The following PDCL3 variants were observed in gnomAD, a reference collection of about 807,000 sequenced individuals.
The protein encoded by PDCL3 is phosducin-like protein 3.
PDCL3 carries 22 observed loss-of-function variants against 26.5 expected under a neutral mutation model. The ratio of observed to expected loss-of-function variants is 0.83; its 90% CI spans 0.59 to 1.19. The LOEUF (loss-of-function observed/expected upper bound fraction) is 1.19. Ranked by LOEUF, PDCL3 falls within the 50% of genes most tolerant of loss-of-function variation. The pLI, the probability that PDCL3 is intolerant of heterozygous loss-of-function variation, is 0.00. For missense variants in PDCL3, 246 were observed against 294.1 expected, an observed-to-expected ratio of 0.84 and a Z score of 1.20; for synonymous variants, 81 against 104.9, an observed-to-expected ratio of 0.77 and a Z score of 1.39.
chr2:100,569,706 A>G lies in PDCL3; in HGVS notation c.353A>G (p.His118Arg). 3 of 1,612,440 alleles carry G rather than the reference A, an allele frequency of 1.9e-6. No individual in the cohort carries two copies. Among genetic ancestry groups the G allele is most frequent in the Non-Finnish European group, 2.5e-6 (3 of 1,179,424 alleles). Residue 118 changes from histidine (H) to arginine (R), a missense_variant, in exon 4 of 6, where the codon CAC (histidine) becomes CGC (arginine). Physicochemically the swap from His to Arg is conservative, Grantham distance 29. Coordinates refer to ENST00000264254, the MANE Select transcript of PDCL3 (RefSeq NM_024065.5). ...GGCGAGGGCTTGTGGGTCATCTTGC[A>G]CCTTTACAAACAAGGGTGAGCTGAT... ...KAGEGLWVIL[H>R]LYKQGIPLCA...
At chr2:100,573,983 A>ATG (rs1675230208) in intron 5 of PDCL3, among the ~76,000 whole-genome samples, 1 of 152,036 alleles carries the variant, frequency 6.6e-6, no homozygotes, top group Admixed American at 6.6e-5. Flanking sequence ...ATATAAAGAT[A>ATG]TATATATAGA....
intron 2 of PDCL3, among the ~76,000 whole-genome samples, chr2:100,568,303 A>G (rs1397700731): frequency 7.9e-5 from 10 of 126,194 alleles, no homozygotes; most frequent in Admixed American, 4.6e-4. Flanking sequence ...TGGATAAAGA[A>G]GAAAAGTAGT....
rs1675070962 is a variant in PDCL3 at position 100,566,875 on chromosome 2, T to C, written c.133+246T>C. Among the ~76,000 whole-genome samples, 4 of 152,354 alleles carry C rather than the reference T, an allele frequency of 2.6e-5. No homozygotes were observed. The South Asian group carries it at 8.3e-4, about 32-fold the overall frequency. The stretch of plus-strand genomic sequence containing the variant: ...ACTGAAGAAAATACTTCTTTCTGCT[T>C]TCTGGTCTGTGATTCCCTTTGATAA... On this transcript the variant is annotated intron_variant, in intron 2 of 5. Coordinates refer to ENST00000264254, the MANE Select transcript of PDCL3 (RefSeq NM_024065.5).
intron 4 of PDCL3, among the ~76,000 whole-genome samples, chr2:100,570,125 G>A (rs967969477): frequency 6.6e-6 from 1 of 151,922 alleles, no homozygotes; most frequent in African/African-American, 2.4e-5. Context: ...AAATTTTTCT[G>A]GTACTGAGTT....
In PDCL3 at chr2:100,569,557, TTCTC is replaced by T. The variant is rs757804235; in HGVS notation, c.225-18_225-15del. Reference sequence around the variant, plus strand: ...TACACGTGTTTGTGACGTAAGATGTTTCTCTCCTTGTTTTGTGCAGACGGCGGAG... The same window carrying T: ...TACACGTGTTTGTGACGTAAGATGTTTCCTTGTTTTGTGCAGACGGCGGAG... On this transcript the variant is annotated splice_polypyrimidine_tract_variant and intron_variant, in intron 3 of 5. Transcript: ENST00000264254. 1 of 1,610,448 alleles carries T rather than the reference TTCTC, an allele frequency of 6.2e-7. No homozygotes were observed. The highest frequency in any genetic ancestry group is 8.5e-7 in the Non-Finnish European group (1 of 1,178,692).
intron 5 of PDCL3, among the ~76,000 whole-genome samples, chr2:100,572,495 A>T (rs1675197574): frequency 6.6e-6 from 1 of 151,334 alleles, no homozygotes; most frequent in African/African-American, 2.4e-5. Flanking sequence ...TACAGACGTG[A>T]GCCACTGCGC....
In PDCL3 at chr2:100,563,001, A is replaced by T; in HGVS notation, c.-67A>T. The T allele has an allele frequency of 1.9e-6, 3 of 1,568,844 alleles. No homozygotes were observed. Among genetic ancestry groups the T allele is most frequent in the Non-Finnish European group, 2.6e-6 (3 of 1,157,624 alleles). ...AGGCGTGGCGGCGCTGTGCGCGTGC[A>T]CAAAAGAGAGCTGAGGGGCGGGGGC... On this transcript the variant is annotated 5_prime_UTR_variant, in exon 1 of 6. Transcript: ENST00000264254.
chr2:100,566,561 C>T lies in PDCL3; in HGVS notation c.65C>T (p.Pro22Leu), dbSNP rs148565630. 14 of 1,613,878 alleles carry T rather than the reference C, an allele frequency of 8.7e-6. No individual in the cohort carries two copies. Among genetic ancestry groups the T allele is most frequent in the Non-Finnish European group, 1.1e-5 (13 of 1,179,928 alleles). Residue 22 changes from proline (P) to leucine (L), a missense_variant, in exon 2 of 6, where the codon CCC becomes CTC. Physicochemically the swap from Pro to Leu is moderately conservative, Grantham distance 98. Coordinates refer to ENST00000264254, the MANE Select transcript of PDCL3 (RefSeq NM_024065.5). ...TTACGCAAAAAGGGTATCTTACCCCCCAAGGAAAGTCTGAAAGAATTGGAA... is the reference window on the plus strand; with the variant it reads ...TTACGCAAAAAGGGTATCTTACCCCTCAAGGAAAGTCTGAAAGAATTGGAA... The part of the protein sequence containing the change: ...DILRKKGILP[P>L]KESLKELEEE...
chr2:100,573,175 G>A (rs557488780), intron 5 of PDCL3, among the ~76,000 whole-genome samples: 12 of 152,064 alleles, frequency 7.9e-5, no homozygotes, highest in East Asian at 7.8e-4. Flanking sequence ...GAGCCACCGC[G>A]CCCGGCTGTG....
At chr2:100,564,816 T>A (rs1405814369) in intron 1 of PDCL3, among the ~76,000 whole-genome samples, 1 of 152,198 alleles carries the variant, frequency 6.6e-6, no homozygotes, top group African/African-American at 2.4e-5. Flanking sequence ...TGATCCTTTG[T>A]GATTTTGATG....
chr2:100,576,191 C>T (rs1479165209), intron 5 of PDCL3, among the ~76,000 whole-genome samples, 163 bp from the exon 6 acceptor site: 2 of 152,198 alleles, frequency 1.3e-5, no homozygotes, highest in African/African-American at 2.4e-5. Flanking sequence ...ATCCTCCTGC[C>T]TCAGCCTCCC....
rs1201255412 is a variant in PDCL3 at position 100,563,914 on chromosome 2, TG to T, written c.6+842del. Among the ~76,000 whole-genome samples, 7 of 103,416 alleles carry T rather than the reference TG, an allele frequency of 6.8e-5. No individual in the cohort carries two copies. In the South Asian group the frequency reaches 1.4e-3, roughly 21 times the overall value. The allele number at this position is 103,416 out of a possible 152,430, so 67.8% of individuals were successfully genotyped here. Reference sequence around the variant, plus strand: ...GGCGTGTCTGCCAGGAGCCAGACACTGTTTTTTTTTTTTTTGAGACCGGGTC... The same window carrying T: ...GGCGTGTCTGCCAGGAGCCAGACACTTTTTTTTTTTTTTTGAGACCGGGTC... On this transcript the variant is annotated intron_variant, in intron 1 of 5. Transcript: ENST00000264254.
intron 5 of PDCL3, among the ~76,000 whole-genome samples, chr2:100,574,307 C>T (rs2104397843): frequency 6.6e-6 from 1 of 151,246 alleles, no homozygotes; most frequent in East Asian, 1.9e-4. Flanking sequence ...CCACATCTGG[C>T]TGGATATAAA....
intron 5 of PDCL3, among the ~76,000 whole-genome samples, chr2:100,572,720 A>G (rs919092280): frequency 2.8e-5 from 4 of 141,912 alleles, no homozygotes; most frequent in Non-Finnish European, 6.1e-5. Flanking sequence ...GGGTTTCTCC[A>G]TGTGGTCAGG....
intron 5 of PDCL3, among the ~76,000 whole-genome samples, chr2:100,573,691 T>G (rs1156953784): frequency 6.7e-6 from 1 of 148,986 alleles, no homozygotes; most frequent in Non-Finnish European, 1.5e-5. Context: ...AAAAAAAAGA[T>G]ATTCAGCTGG....
intron 2 of PDCL3, among the ~76,000 whole-genome samples, chr2:100,567,501 C>G (rs1675079990): frequency 6.6e-6 from 1 of 152,102 alleles, no homozygotes; most frequent in African/African-American, 2.4e-5. Flanking sequence ...ACTGAGATGA[C>G]ATTTGCATGG....
intron 2 of PDCL3, among the ~76,000 whole-genome samples, chr2:100,568,191 C>T (rs1478667208): frequency 6.6e-6 from 1 of 152,272 alleles, no homozygotes; most frequent in South Asian, 2.1e-4. Context: ...TTTTTCTCTA[C>T]ATTAGAGAAG....
intron 1 of PDCL3, among the ~76,000 whole-genome samples, chr2:100,563,887 A>G (rs1573276450): frequency 6.9e-6 from 1 of 145,832 alleles, no homozygotes; most frequent in African/African-American, 2.6e-5. Flanking sequence ...GCTGGAGGGG[A>G]GGGCGTGTCT....
rs144440863 is a variant in PDCL3, at chr2:100,576,362, T to C, written c.586T>C (p.Trp196Arg). Residue 196 changes from tryptophan to arginine, a missense_variant, in exon 6 of 6, where the codon TGG (tryptophan) becomes CGG (arginine). By Grantham distance (101) the Trp-to-Arg change is moderately radical. Transcript: ENST00000264254. ...GMNLTRDELE[W>R]KLSESGAIMT... ...TTTTCTTTACCATATAGAGTTGGAATGGAAACTGTCTGAATCTGGAGCAAT... is the reference window on the plus strand; with the variant it reads ...TTTTCTTTACCATATAGAGTTGGAACGGAAACTGTCTGAATCTGGAGCAAT... 4.6e-5 allele frequency: 75 copies of C among 1,613,776 alleles called. No homozygotes were observed. Among genetic ancestry groups the C allele is most frequent in the East Asian group, 8.9e-5 (4 of 44,880 alleles).
Sources: gnomAD v4.1 joint callset for allele counts (sites outside exome capture counted in the v4.1 genomes callset) on GRCh38, gnomAD v4.1.1 for gene constraint, MANE v1.5 for transcripts, NCBI Gene and HGNC (gene_info 2026-07-23, HGNC 2026-07-21) for gene names.